DACH1: variants seen among roughly 807,000 people sequenced by gnomAD.
DACH1 encodes dachshund family transcription factor 1.
Under a neutral mutation model 54.2 loss-of-function variants are expected in DACH1, and 12 were observed. That is an observed-to-expected ratio of 0.22 (90% CI 0.14 to 0.36). The LOEUF (loss-of-function observed/expected upper bound fraction) is 0.36. DACH1 is among the 10% of genes least tolerant of loss of function. DACH1 has a pLI of 1.00. For missense variants in DACH1, 805 were observed against 929.8 expected, an observed-to-expected ratio of 0.87 and a Z score of 1.75; for synonymous variants, 386 against 366.2, an observed-to-expected ratio of 1.05 and a Z score of -0.62.
chr13:71,792,455 G>C (rs1886872405), intron 1 of DACH1, among the ~76,000 whole-genome samples: 1 of 152,002 alleles, frequency 6.6e-6, no homozygotes, highest in African/African-American at 2.4e-5. Context: ...GTGGCTAACG[G>C]TTCCTATTTT....
At chr13:71,784,725 C>G (rs540611942) in intron 1 of DACH1, among the ~76,000 whole-genome samples, 39 of 152,240 alleles carry the variant, frequency 2.6e-4, no homozygotes, top group Middle Eastern at 3.4e-3. Context: ...TTATGAAGTA[C>G]TAGAAACAGA....
chr13:71,759,156 T>C (rs1015740070), intron 1 of DACH1, among the ~76,000 whole-genome samples: 79 of 152,056 alleles, frequency 5.2e-4, no homozygotes, highest in Admixed American at 1.5e-3. Context: ...AGTTCACCAG[T>C]TTTAAGCTGC....
At chr13:71,550,831 A>G (rs1883765741) in intron 6 of DACH1, among the ~76,000 whole-genome samples, 1 of 152,094 alleles carries the variant, frequency 6.6e-6, no homozygotes, top group Non-Finnish European at 1.5e-5. Flanking sequence ...AGGCATGGAA[A>G]CTGAGGAGGA....
At chr13:71,442,831 A>T (rs1468986655) in intron 10 of DACH1, among the ~76,000 whole-genome samples, 1 of 152,004 alleles carries the variant, frequency 6.6e-6, no homozygotes, top group Admixed American at 6.6e-5. Flanking sequence ...ATACTCTAAT[A>T]TAAGTTATGT....
chr13:71,727,224 A>T (rs1246913160), intron 1 of DACH1, among the ~76,000 whole-genome samples: 2 of 152,088 alleles, frequency 1.3e-5, no homozygotes, highest in African/African-American at 4.8e-5. Context: ...TCATTTGCAT[A>T]TTGCATACAA....
At chr13:71,507,691 G>A (rs964955501) in intron 6 of DACH1, among the ~76,000 whole-genome samples, 2 of 152,134 alleles carry the variant, frequency 1.3e-5, no homozygotes, top group African/African-American at 2.4e-5. Flanking sequence ...CTACCTGGAA[G>A]AGAACAATTA....
intron 1 of DACH1, among the ~76,000 whole-genome samples, chr13:71,820,857 C>A (rs1888157497): frequency 6.6e-6 from 1 of 152,014 alleles, no homozygotes; most frequent in Admixed American, 6.6e-5. Flanking sequence ...AAACAGAGAA[C>A]AAAATGGGAA....
At chr13:71,691,029 G>C (rs1336394144) in intron 1 of DACH1, among the ~76,000 whole-genome samples, 1 of 152,204 alleles carries the variant, frequency 6.6e-6, no homozygotes, top group Non-Finnish European at 1.5e-5. Context: ...CAAATGACAA[G>C]ATATTCACAG....
chr13:71,862,292 T>C (rs1874409948), intron 1 of DACH1, among the ~76,000 whole-genome samples: 1 of 152,000 alleles, frequency 6.6e-6, no homozygotes, highest in Admixed American at 6.6e-5. Flanking sequence ...AACCCAAATC[T>C]ACAAAAAGGG....
At chr13:71,671,859 C>A (rs886797059) in intron 2 of DACH1, among the ~76,000 whole-genome samples, 1 of 152,070 alleles carries the variant, frequency 6.6e-6, no homozygotes, top group Non-Finnish European at 1.5e-5. Flanking sequence ...CACAGCAAGG[C>A]TCTTTCTTAC....
rs946998676 is a variant in DACH1, at chr13:71,835,164, G to A, written c.848+30758C>T. 5.5e-4 allele frequency among the ~76,000 whole-genome samples: 84 copies of A among 151,978 alleles called. 1 individual carries two copies. The highest frequency in any genetic ancestry group is 2.0e-3 in the African/African-American group (82 of 41,410). Reference sequence around the variant, plus strand: ...CAATAAGACCAAAATAGACCAAAGGGAGCTGTTTGAAATGGTAACCACCAG... The same window carrying A: ...CAATAAGACCAAAATAGACCAAAGGAAGCTGTTTGAAATGGTAACCACCAG... On this transcript the variant is annotated intron_variant, in intron 1 of 10. Coordinates refer to ENST00000613252, the MANE Select transcript of DACH1 (RefSeq NM_080759.6).
intron 10 of DACH1, among the ~76,000 whole-genome samples, chr13:71,449,769 C>T (rs1403943758): frequency 6.6e-6 from 1 of 151,876 alleles, no homozygotes; most frequent in Non-Finnish European, 1.5e-5. Flanking sequence ...AATAATTAGA[C>T]CAAAAAATTG....
intron 6 of DACH1, among the ~76,000 whole-genome samples, chr13:71,500,419 C>T (rs1879812282): frequency 6.6e-6 from 1 of 152,094 alleles, no homozygotes; most frequent in Admixed American, 6.6e-5. Flanking sequence ...AGTGTCATTG[C>T]TATGTGAATA....
At position 71,495,565 on chromosome 13, in the gene DACH1, T is replaced by C. The variant is rs543753451; in HGVS notation, c.1571-6417A>G. On this transcript the variant is annotated intron_variant, in intron 6 of 10. Transcript: ENST00000613252. ...ACACAGTTGTTTAAACTGAGCTCAA[T>C]TGTAACCTCAGTACTGATTCATTCT... 5.9e-5 allele frequency among the ~76,000 whole-genome samples: 9 copies of C among 152,220 alleles called. No homozygotes were observed. In the South Asian group the frequency reaches 1.5e-3, roughly 25 times the overall value.
At position 71,440,651 on chromosome 13, in the gene DACH1, A is replaced by T. The variant is rs1395347068; in HGVS notation, c.*4T>A. The T allele has an allele frequency of 6.3e-7, 1 of 1,597,300 alleles. No individual in the cohort carries two copies. The highest frequency in any genetic ancestry group is 8.5e-7 in the Non-Finnish European group (1 of 1,173,224). ...ATAACATGGATTTCTTCAACAGGAAAGATTCAGTACATGACAGTAGTTTTC... is the reference window on the plus strand; with the variant it reads ...ATAACATGGATTTCTTCAACAGGAATGATTCAGTACATGACAGTAGTTTTC... On this transcript the variant is annotated 3_prime_UTR_variant, in exon 11 of 11. Coordinates refer to ENST00000613252, the MANE Select transcript of DACH1 (RefSeq NM_080759.6).
At chr13:71,529,566 G>A (rs1355494395) in intron 6 of DACH1, among the ~76,000 whole-genome samples, 5 of 152,226 alleles carry the variant, frequency 3.3e-5, no homozygotes, top group African/African-American at 1.2e-4. Context: ...CCTGCCACCA[G>A]GCCTCTATTC....
At chr13:71,693,582 TGCTGGGATTACAGGCGTGAG>T (rs1566437561) in intron 1 of DACH1, among the ~76,000 whole-genome samples, 1 of 149,890 alleles carries the variant, frequency 6.7e-6, no homozygotes, top group African/African-American at 2.5e-5. Context: ...CCTCCCAAAG[TGCTGGGATTACAGGCGTGAG>T]CCACCGCGCC....
At position 71,866,050 on chromosome 13, in the gene DACH1, C is replaced by T; in HGVS notation, c.720G>A (p.Pro240=). The change falls in exon 1 of 11, where the codon CCG becomes CCA. Residue 240 remains proline (P), a synonymous_variant. Transcript: ENST00000613252. ...GAACTTGTTCCACATTGCACACCAC[C>T]GGCGTGATCTCCAGCCGCTTCAGCT... The part of the protein sequence containing the change: ...YTKLKRLEIT[P]VVCNVEQVRI... 1 of 1,613,848 alleles carries T rather than the reference C, an allele frequency of 6.2e-7. No individual in the cohort carries two copies.
intron 3 of DACH1, among the ~76,000 whole-genome samples, chr13:71,609,576 G>A (rs1593979731): frequency 1.3e-5 from 2 of 151,310 alleles, no homozygotes; most frequent in East Asian, 3.9e-4. Context: ...TTTTGCTCTT[G>A]TAGCCCAGGC....
Sources: allele counts gnomAD v4.1 joint callset (sites outside exome capture counted in the v4.1 genomes callset), GRCh38; gene constraint gnomAD v4.1.1; transcripts MANE v1.5; gene names NCBI Gene and HGNC (gene_info 2026-07-23, HGNC 2026-07-21).